The following SMIM27 variants were observed in gnomAD, a reference collection of about 807,000 sequenced individuals.
SMIM27 encodes the protein transition zone microprotein 1, also known as TOPORS antisense RNA 1 (non-protein coding).
In SMIM27, 3 loss-of-function variants were observed where a neutral mutation model predicts 1.8. The ratio of observed to expected loss-of-function variants is 1.65; its 90% CI spans 0.75 to 4.28. The LOEUF (loss-of-function observed/expected upper bound fraction) is 4.28, where lower values mean the gene tolerates loss of function less well. SMIM27 is among the 30% of genes most tolerant of loss of function. SMIM27 has a pLI of 0.02. For synonymous variants in SMIM27, 19 were observed against 13.9 expected (o/e 1.37, Z -0.82); for missense variants, 63 against 37.0 (o/e 1.70, Z -1.83).
At chr9:32,552,750 G>C (rs1563988940) in intron 1 of SMIM27, 51 bp from the exon 2 acceptor site, 5 of 685,068 alleles carry the variant, frequency 7.3e-6, no homozygotes, top group African/African-American at 3.5e-5. Context: ...TGACGGGGGC[G>C]AGGGGAAATA....
chr9:32,561,357 G>A (rs981150133), intron 1 of SMIM27, among the ~76,000 whole-genome samples: 3 of 150,948 alleles, frequency 2.0e-5, no homozygotes, highest in East Asian at 1.9e-4. Flanking sequence ...ACAGAGTCTC[G>A]TTATATCGCT....
intron 1 of SMIM27, among the ~76,000 whole-genome samples, chr9:32,561,182 G>A (rs1821614786): frequency 1.3e-5 from 2 of 152,016 alleles, no homozygotes; most frequent in Non-Finnish European, 1.5e-5. Flanking sequence ...AGTTTGTGTT[G>A]GTTTGTAATG....
upstream of SMIM27, among the ~76,000 whole-genome samples, chr9:32,551,970 T>TG (rs1215251363): frequency 2.0e-5 from 3 of 150,832 alleles, no homozygotes; most frequent in Non-Finnish European, 4.4e-5. Flanking sequence ...CTAAATCGTG[T>TG]GGTATCAGAT....
At chr9:32,566,423 T>G in exon 2 of SMIM27, 1 of 863,862 alleles carries the variant, frequency 1.2e-6, no homozygotes, top group Non-Finnish European at 2.0e-6. Context: ...CTGCTCTCCC[T>G]GTTACTGTAG....
At chr9:32,564,234 T>C (rs1473471900) in intron 1 of SMIM27, among the ~76,000 whole-genome samples, 4 of 152,216 alleles carry the variant, frequency 2.6e-5, no homozygotes, top group Non-Finnish European at 5.9e-5. Flanking sequence ...AATTCCATTC[T>C]ACCACCACAA....
At chr9:32,558,268 C>T (rs1468949823) in intron 1 of SMIM27, among the ~76,000 whole-genome samples, 3 of 152,086 alleles carry the variant, frequency 2.0e-5, no homozygotes, top group Non-Finnish European at 4.4e-5. Context: ...CCCGCCACCA[C>T]GCCCAGCTAA....
At chr9:32,554,864 A>G (rs891992032), downstream of SMIM27, among the ~76,000 whole-genome samples, 8 of 152,176 alleles carry the variant, frequency 5.3e-5, no homozygotes, top group African/African-American at 1.9e-4. Context: ...ATTTAGCAAA[A>G]TATCTCCTAT....
chr9:32,551,366 T>C, upstream of SMIM27: 1 of 343,934 alleles, frequency 2.9e-6, no homozygotes. Context: ...GTCTCTCACC[T>C]CCTGTTGTAC....
At chr9:32,551,298 G>T, upstream of SMIM27, 1 of 485,470 alleles carries the variant, frequency 2.1e-6, no homozygotes, top group Admixed American at 3.3e-5. Context: ...CAAACTCTGC[G>T]GAAACTTAGG....
chr9:32,560,775 C>G (rs2119011975), intron 1 of SMIM27, among the ~76,000 whole-genome samples: 1 of 152,036 alleles, frequency 6.6e-6, no homozygotes. Flanking sequence ...TTCAATTAAT[C>G]CAAAGATAGT....
At chr9:32,556,644 T>TA (rs1384223494), downstream of SMIM27, among the ~76,000 whole-genome samples, 1 of 152,176 alleles carries the variant, frequency 6.6e-6, no homozygotes, top group Non-Finnish European at 1.5e-5. Flanking sequence ...GGATCCCTGA[T>TA]ATGGTCTTCT....
At chr9:32,560,424 T>C (rs1821593120) in intron 1 of SMIM27, among the ~76,000 whole-genome samples, 1 of 152,224 alleles carries the variant, frequency 6.6e-6, no homozygotes, top group Non-Finnish European at 1.5e-5. Flanking sequence ...TAAATTTAGA[T>C]ATGATAAAGT....
rs796460423 is a variant in SMIM27, at chr9:32,559,158, C to T, written c.45+6679C>T. ...ACCAGGTCCCACACTTAACTTCTCC[C>T]ATCCCCAAACTGTTCCTCCCCATGT... On this transcript the variant is annotated intron_variant, in intron 1 of 1. Transcript: ENST00000451672. Among the ~76,000 whole-genome samples, 22 of 152,288 alleles carry T rather than the reference C, an allele frequency of 1.4e-4. 1 individual carries two copies. Among genetic ancestry groups the T allele is most frequent in the African/African-American group, 5.3e-4 (22 of 41,548 alleles).
downstream of SMIM27, among the ~76,000 whole-genome samples, chr9:32,555,351 T>C (rs1473343425): frequency 6.6e-6 from 1 of 152,126 alleles, no homozygotes; most frequent in Non-Finnish European, 1.5e-5. Flanking sequence ...AGAAGCCCAA[T>C]AAAACTCAAA....
In SMIM27 at chr9:32,552,403, C is replaced by G; in HGVS notation, c.-32C>G. On this transcript the variant is annotated 5_prime_UTR_variant, in exon 1 of 2. Coordinates refer to ENST00000692500, the MANE Select transcript of SMIM27 (RefSeq NM_001387564.1). Reference sequence around the variant, plus strand: ...TTACTGTAAGGCCCGCAGCTCCCGCCAGCTCCCGCGGACTGCTGCCGCCTC... The same window carrying G: ...TTACTGTAAGGCCCGCAGCTCCCGCGAGCTCCCGCGGACTGCTGCCGCCTC... 1 of 1,608,140 alleles carries G rather than the reference C, an allele frequency of 6.2e-7. No homozygotes were observed. Among genetic ancestry groups the G allele is most frequent in the Non-Finnish European group, 8.5e-7 (1 of 1,177,628 alleles).
intron 1 of SMIM27, among the ~76,000 whole-genome samples, chr9:32,563,693 TTTCTAA>T (rs959127059): frequency 3.3e-5 from 5 of 152,172 alleles, no homozygotes; most frequent in East Asian, 1.9e-4. Context: ...AATGGTAATT[TTTCTAA>T]TTCTATCATT....
chr9:32,566,787 T>G, exon 2 of SMIM27: 1 of 915,078 alleles, frequency 1.1e-6, no homozygotes, highest in Non-Finnish European at 1.8e-6. Context: ...CTGGCTGACG[T>G]TGTACAGGAG....
rs1409101797 is a variant in SMIM27, at chr9:32,552,389, C to T, written c.-46C>T. 10 of 1,606,098 alleles carry T rather than the reference C, an allele frequency of 6.2e-6. No individual in the cohort carries two copies. Among genetic ancestry groups the T allele is most frequent in the Non-Finnish European group, 8.5e-6 (10 of 1,176,900 alleles). Reference sequence around the variant, plus strand: ...CACCGCCTGGGAGGTTACTGTAAGGCCCGCAGCTCCCGCCAGCTCCCGCGG... The same window carrying T: ...CACCGCCTGGGAGGTTACTGTAAGGTCCGCAGCTCCCGCCAGCTCCCGCGG... On this transcript the variant is annotated 5_prime_UTR_variant, in exon 1 of 2. Transcript: ENST00000692500.
At chr9:32,552,628 G>T in intron 1 of SMIM27, 149 bp downstream of exon 1, 3 of 719,190 alleles carry the variant, frequency 4.2e-6, no homozygotes, top group Non-Finnish European at 7.4e-6. Context: ...TCTTCCTGGA[G>T]GATACGATCT....
Sources: gnomAD v4.1 joint callset for allele counts (sites outside exome capture counted in the v4.1 genomes callset) on GRCh38, gnomAD v4.1.1 for gene constraint, MANE v1.5 for transcripts, NCBI Gene and HGNC (gene_info 2026-07-23, HGNC 2026-07-21) for gene names.